The following ZFAT variants were observed in gnomAD, a reference collection of about 807,000 sequenced individuals.
ZFAT encodes zinc finger protein ZFAT.
A neutral mutation model predicts 117.7 loss-of-function variants in ZFAT; 64 were observed. That is an observed-to-expected ratio of 0.54 (90% CI 0.44 to 0.67). ZFAT has a LOEUF of 0.67. Among genes scored for constraint, ZFAT ranks in the 30% least tolerant of loss-of-function variants. The probability of loss-of-function intolerance (pLI) is 0.00; values close to 1 mark genes in which losing one functional copy is unlikely to be tolerated. For missense variants in ZFAT, 1,433 were observed against 1,584.5 expected (o/e 0.90, Z 1.62); for synonymous variants, 679 against 615.0 (o/e 1.10, Z -1.54).
intron 12 of ZFAT, among the ~76,000 whole-genome samples, chr8:134,529,117 G>C (rs918795404): frequency 2.0e-5 from 3 of 152,098 alleles, no homozygotes; most frequent in Admixed American, 6.5e-5. Flanking sequence ...CCTGGTCCAA[G>C]GTCCACAGTG....
chr8:134,587,262 C>T (rs1477362138), intron 9 of ZFAT, among the ~76,000 whole-genome samples: 1 of 152,066 alleles, frequency 6.6e-6, no homozygotes, highest in Non-Finnish European at 1.5e-5. Flanking sequence ...TCGGAATGGC[C>T]CTCTGGAGAT....
chr8:134,491,516 C>A (rs191238673), intron 15 of ZFAT, among the ~76,000 whole-genome samples: 2 of 152,326 alleles, frequency 1.3e-5, no homozygotes, highest in East Asian at 3.9e-4. Flanking sequence ...ATGGGTCTCA[C>A]TGAGCTAAAA....
intron 1 of ZFAT, among the ~76,000 whole-genome samples, chr8:134,697,291 T>G (rs936012120): frequency 2.0e-5 from 3 of 152,056 alleles, no homozygotes; most frequent in African/African-American, 7.2e-5. Flanking sequence ...TTTTTGTATT[T>G]TTAGTAGAGA....
chr8:134,765,705 T>C, the ZFAT span: 1 of 135,552 alleles, frequency 7.4e-6, no homozygotes, highest in Non-Finnish European at 1.7e-5. Context: ...CTTATGTTTT[T>C]GTTTAAAAAA....
chr8:134,575,669 T>C (rs1164413787), intron 10 of ZFAT, among the ~76,000 whole-genome samples: 1 of 152,176 alleles, frequency 6.6e-6, no homozygotes, highest in African/African-American at 2.4e-5. Flanking sequence ...AGGCAAGAAG[T>C]GATTCCAGCC....
At chr8:134,563,678 C>T (rs1824213936) in intron 11 of ZFAT, among the ~76,000 whole-genome samples, 1 of 152,178 alleles carries the variant, frequency 6.6e-6, no homozygotes, top group African/African-American at 2.4e-5. Context: ...CTTCGTATTT[C>T]AAAGACGGAA....
At chr8:134,671,469 A>G (rs1228482455) in intron 1 of ZFAT, among the ~76,000 whole-genome samples, 2 of 152,248 alleles carry the variant, frequency 1.3e-5, no homozygotes, top group African/African-American at 4.8e-5. Flanking sequence ...CAATAAATGT[A>G]ATCCAGCATA....
intron 1 of ZFAT, among the ~76,000 whole-genome samples, chr8:134,692,605 C>T (rs929230556): frequency 2.7e-4 from 41 of 152,262 alleles, no homozygotes; most frequent in African/African-American, 9.4e-4. Context: ...AAAGTAAATA[C>T]AATAAACAAG....
chr8:134,663,479 C>T (rs1832043991), intron 1 of ZFAT, among the ~76,000 whole-genome samples: 1 of 152,136 alleles, frequency 6.6e-6, no homozygotes, highest in South Asian at 2.1e-4. Flanking sequence ...TAACTTCTGC[C>T]TGTAATCCCA....
intron 10 of ZFAT, among the ~76,000 whole-genome samples, chr8:134,573,479 C>T (rs947106594): frequency 6.6e-6 from 1 of 151,968 alleles, no homozygotes; most frequent in Non-Finnish European, 1.5e-5. Flanking sequence ...GAAAGGGATC[C>T]CATCAGTGTT....
chr8:134,771,973 G>A, the ZFAT span, among the ~76,000 whole-genome samples: 4 of 152,150 alleles, frequency 2.6e-5, no homozygotes, highest in African/African-American at 7.2e-5. Flanking sequence ...CAGACCTCAT[G>A]AGGCTTATTC....
the ZFAT span, among the ~76,000 whole-genome samples, chr8:134,829,139 A>C: frequency 1.9e-4 from 29 of 152,374 alleles, no homozygotes; most frequent in Admixed American, 1.8e-3. Context: ...AATGGTGAAA[A>C]GCATTTTAAT....
chr8:134,714,526 T>A (rs1388296513), upstream of ZFAT, among the ~76,000 whole-genome samples: 1 of 152,128 alleles, frequency 6.6e-6, no homozygotes, highest in Non-Finnish European at 1.5e-5. Context: ...CTCATCTGAT[T>A]TCTCAGGAGA....
chr8:134,525,956 T>G (rs1820995330), intron 12 of ZFAT, among the ~76,000 whole-genome samples: 1 of 152,240 alleles, frequency 6.6e-6, no homozygotes, highest in African/African-American at 2.4e-5. Context: ...TTAACTTCCT[T>G]TGTTATTGCT....
the ZFAT span, among the ~76,000 whole-genome samples, chr8:134,719,990 A>G: frequency 1.3e-5 from 2 of 152,256 alleles, no homozygotes. Flanking sequence ...TGCTTTCGCC[A>G]TGGAACACAA....
chr8:134,744,085 G>C, the ZFAT span, among the ~76,000 whole-genome samples: 97 of 152,182 alleles, frequency 6.4e-4, 2 homozygotes, highest in East Asian at 0.012. Flanking sequence ...CAGAAGTCCG[G>C]GCATGAGTTA....
At position 134,532,953 on chromosome 8, in the gene ZFAT, C is replaced by T. The variant is rs1245309958; in HGVS notation, c.2996G>A (p.Cys999Tyr). ...GCCAGATATGTTGCAGGAGTAATGG[C>T]AATGGGCACAGCGGAAAGGCTGCGG... ...VSFKPFRCAH[C>Y]HYSCNISGSL... The change falls in exon 12 of 16, where the codon TGC (cysteine) becomes TAC (tyrosine). Residue 999 changes from cysteine to tyrosine, a missense_variant. Cys to Tyr is a radical substitution (Grantham distance 194, BLOSUM62 -2). Coordinates refer to ENST00000377838, the MANE Select transcript of ZFAT (RefSeq NM_020863.4). 1 of 1,605,970 alleles carries T rather than the reference C, an allele frequency of 6.2e-7. No homozygotes were observed. Among genetic ancestry groups the T allele is most frequent in the Non-Finnish European group, 8.5e-7 (1 of 1,176,380 alleles).
intron 12 of ZFAT, among the ~76,000 whole-genome samples, chr8:134,530,311 G>C (rs1821315677): frequency 1.3e-5 from 2 of 152,152 alleles, no homozygotes; most frequent in Admixed American, 6.5e-5. Context: ...AACCAAATAG[G>C]GATGGAGAGA....
intron 7 of ZFAT, among the ~76,000 whole-genome samples, chr8:134,590,643 TCAC>T (rs150172744): frequency 6.8e-6 from 1 of 147,798 alleles, no homozygotes; most frequent in Non-Finnish European, 1.5e-5. Flanking sequence ...TCAATAGTCA[TCAC>T]CACCACCACC....
Sources: allele counts gnomAD v4.1 joint callset (sites outside exome capture counted in the v4.1 genomes callset), GRCh38; gene constraint gnomAD v4.1.1; transcripts MANE v1.5; gene names NCBI Gene and HGNC (gene_info 2026-07-23, HGNC 2026-07-21).